SCHIP1: variants seen among roughly 807,000 people sequenced by gnomAD.
SCHIP1 encodes the protein schwannomin-interacting protein 1.
In SCHIP1, 8 loss-of-function variants were observed where a neutral mutation model predicts 29.7. The ratio of observed to expected loss-of-function variants is 0.27; its 90% CI spans 0.16 to 0.49. The LOEUF (loss-of-function observed/expected upper bound fraction) is 0.49, where lower values mean the gene tolerates loss of function less well. Among genes scored for constraint, SCHIP1 ranks in the 20% least tolerant of loss-of-function variants. SCHIP1 has a pLI of 0.99. For synonymous variants in SCHIP1, 76 were observed against 94.9 expected, an observed-to-expected ratio of 0.80 and a Z score of 1.16; for missense variants, 193 against 294.6, an observed-to-expected ratio of 0.66 and a Z score of 2.52.
chr3:159,575,666 C>T, the SCHIP1 span, among the ~76,000 whole-genome samples: 1 of 152,142 alleles, frequency 6.6e-6, no homozygotes, highest in Non-Finnish European at 1.5e-5. Context: ...AACTCTTAGG[C>T]TCAAGTGATC....
At chr3:159,280,526 C>T in the SCHIP1 span, among the ~76,000 whole-genome samples, 1 of 152,086 alleles carries the variant, frequency 6.6e-6, no homozygotes, top group Non-Finnish European at 1.5e-5. Context: ...ATGAATAAGT[C>T]GGCTCAATTC....
the SCHIP1 span, among the ~76,000 whole-genome samples, chr3:159,411,561 A>G: frequency 1.9e-3 from 290 of 152,314 alleles, 1 homozygote; most frequent in African/African-American, 6.6e-3. Context: ...TGATTAAATA[A>G]TCCAAGAAAT....
At chr3:159,612,248 T>C in the SCHIP1 span, among the ~76,000 whole-genome samples, 1 of 152,116 alleles carries the variant, frequency 6.6e-6, no homozygotes, top group African/African-American at 2.4e-5. Flanking sequence ...AATACTGATA[T>C]AAAATTTAAA....
chr3:159,704,155 C>T, the SCHIP1 span, among the ~76,000 whole-genome samples: 97 of 152,030 alleles, frequency 6.4e-4, 1 homozygote, highest in Admixed American at 3.3e-4. Context: ...TTGCACTAGG[C>T]CAGGCACAGT....
At chr3:159,657,273 A>C in the SCHIP1 span, among the ~76,000 whole-genome samples, 51 of 152,330 alleles carry the variant, frequency 3.3e-4, no homozygotes, top group African/African-American at 1.2e-3. Context: ...CAATTACCCC[A>C]GCTCCACCTG....
exon 1 of SCHIP1, chr3:159,840,179 A>T (rs1177756412): frequency 2.0e-6 from 3 of 1,535,632 alleles, no homozygotes; most frequent in Non-Finnish European, 2.6e-6. Context: ...CCTAGGATGC[A>T]CTGAGATGGT....
At chr3:159,643,585 T>C in the SCHIP1 span, among the ~76,000 whole-genome samples, 1 of 152,102 alleles carries the variant, frequency 6.6e-6, no homozygotes, top group East Asian at 1.9e-4. Flanking sequence ...GGAAAGAGAT[T>C]ATTTGAATGT....
chr3:159,888,063 T>C (rs1369392630), intron 4 of SCHIP1, 158 bp downstream of exon 5: 1 of 1,075,438 alleles, frequency 9.3e-7, no homozygotes, highest in Non-Finnish European at 1.3e-6. Context: ...TTCTTTTTCC[T>C]TCCTACTGTA....
the SCHIP1 span, among the ~76,000 whole-genome samples, chr3:159,389,143 C>A: frequency 6.6e-6 from 1 of 151,698 alleles, no homozygotes; most frequent in South Asian, 2.1e-4. Flanking sequence ...CTTAATATCT[C>A]CAATATAGAA....
At chr3:159,611,757 G>C in the SCHIP1 span, among the ~76,000 whole-genome samples, 1 of 152,064 alleles carries the variant, frequency 6.6e-6, no homozygotes, top group Non-Finnish European at 1.5e-5. Context: ...TTTTACATAT[G>C]AGTAAATTGA....
the SCHIP1 span, among the ~76,000 whole-genome samples, chr3:159,692,052 C>T: frequency 1.2e-4 from 15 of 126,634 alleles, no homozygotes; most frequent in South Asian, 7.5e-4. Flanking sequence ...GACGGAGTCT[C>T]GCTCTGTCGC....
chr3:159,698,254 A>G, the SCHIP1 span, among the ~76,000 whole-genome samples: 1 of 152,250 alleles, frequency 6.6e-6, no homozygotes, highest in Non-Finnish European at 1.5e-5. Context: ...TCTGCCAGCA[A>G]TGGTAATAAA....
At chr3:159,779,383 C>A in the SCHIP1 span, among the ~76,000 whole-genome samples, 1 of 152,010 alleles carries the variant, frequency 6.6e-6, no homozygotes, top group Non-Finnish European at 1.5e-5. Flanking sequence ...GAAGGATGTC[C>A]CCGGCCAGGT....
the SCHIP1 span, among the ~76,000 whole-genome samples, chr3:159,580,187 A>G: frequency 1.4e-4 from 21 of 152,164 alleles, no homozygotes; most frequent in Non-Finnish European, 2.4e-4. Flanking sequence ...CCTTCTGTCT[A>G]TGTATTCATC....
the SCHIP1 span, among the ~76,000 whole-genome samples, chr3:159,647,140 A>C: frequency 1.3e-5 from 2 of 152,068 alleles, no homozygotes; most frequent in African/African-American, 4.8e-5. Context: ...CATTTGAGGG[A>C]AGACAGAGGA....
chr3:159,733,248 C>G, the SCHIP1 span, among the ~76,000 whole-genome samples: 1 of 152,058 alleles, frequency 6.6e-6, no homozygotes, highest in East Asian at 1.9e-4. Flanking sequence ...TGGTCTGGAG[C>G]CTGGTACAAT....
At chr3:159,681,135 A>G in the SCHIP1 span, among the ~76,000 whole-genome samples, 3 of 152,172 alleles carry the variant, frequency 2.0e-5, no homozygotes, top group East Asian at 5.8e-4. Flanking sequence ...GTGTCTGTTA[A>G]TCTCTCTGCA....
chr3:159,885,553 G>A (rs570366522), intron 2 of SCHIP1, among the ~76,000 whole-genome samples: 10 of 152,328 alleles, frequency 6.6e-5, no homozygotes, highest in East Asian at 1.9e-4. Context: ...GAGGTTCTGT[G>A]TGCAGGAGGT....
chr3:159,737,894 G>A, the SCHIP1 span, among the ~76,000 whole-genome samples: 7 of 152,110 alleles, frequency 4.6e-5, no homozygotes, highest in South Asian at 2.1e-4. Flanking sequence ...AGTGGAGAGC[G>A]GCAATGGGTA....
Sources: allele counts gnomAD v4.1 joint callset (sites outside exome capture counted in the v4.1 genomes callset), GRCh38; gene constraint gnomAD v4.1.1; transcripts MANE v1.5; gene names NCBI Gene and HGNC (gene_info 2026-07-23, HGNC 2026-07-21).